LRRC1: variants seen among roughly 807,000 people sequenced by gnomAD.
LRRC1 encodes leucine rich repeat containing 1, also known as leucine-rich repeat-containing protein 1.
LRRC1 carries 28 observed loss-of-function variants against 69.9 expected under a neutral mutation model. The observed-to-expected ratio is 0.40, with a 90% CI of 0.30 to 0.55. The LOEUF (loss-of-function observed/expected upper bound fraction) is 0.55. Ranked by LOEUF, LRRC1 falls within the 20% of genes least tolerant of loss-of-function variation. The pLI is 0.47. For missense variants in LRRC1, 498 were observed against 609.0 expected (o/e 0.82, Z 1.92); for synonymous variants, 236 against 240.2 (o/e 0.98, Z 0.16).
intron 3 of LRRC1, among the ~76,000 whole-genome samples, chr6:53,879,423 C>T (rs2127430194): frequency 6.6e-6 from 1 of 152,226 alleles, no homozygotes; most frequent in African/African-American, 2.4e-5. Context: ...GTAGCTGGGA[C>T]TACAGGCACC....
chr6:53,878,822 C>T (rs933052826), intron 2 of LRRC1, among the ~76,000 whole-genome samples, 171 bp from the exon 3 acceptor site: 4 of 152,116 alleles, frequency 2.6e-5, no homozygotes, highest in Non-Finnish European at 5.9e-5. Flanking sequence ...GAGAATATAA[C>T]TTATATTAGG....
chr6:53,876,669 C>A (rs1407128724), intron 2 of LRRC1, among the ~76,000 whole-genome samples: 1 of 152,232 alleles, frequency 6.6e-6, no homozygotes, highest in African/African-American at 2.4e-5. Flanking sequence ...TGAAATCCAG[C>A]AGGGCGGTCA....
chr6:53,887,793 A>G (rs562932350), intron 4 of LRRC1, among the ~76,000 whole-genome samples: 1 of 152,312 alleles, frequency 6.6e-6, no homozygotes, highest in South Asian at 2.1e-4. Context: ...CCCTTTAGAA[A>G]AAAGTTGGGG....
Position 53,827,720 on chromosome 6 carries a change from C to T in LRRC1, c.160-14390C>T, listed in dbSNP as rs1032380071. Among the ~76,000 whole-genome samples, 5 of 152,162 alleles carry T rather than the reference C, an allele frequency of 3.3e-5. No individual in the cohort carries two copies. In the East Asian group the frequency reaches 9.6e-4, roughly 29 times the overall value. ...TGTGGGGCAGAAGTTAGAAAGGACA[C>T]TGGACTGGAAGCCAGAGAGGTTTGT... On this transcript the variant is annotated intron_variant, in intron 1 of 13. Transcript: ENST00000370888.
intron 1 of LRRC1, 112 bp downstream of exon 1, chr6:53,795,527 C>G: frequency 2.0e-6 from 2 of 1,006,018 alleles, no homozygotes; most frequent in East Asian, 2.7e-5. Flanking sequence ...GGAACCTTCC[C>G]TCTTTTATGC....
At chr6:53,845,592 A>G (rs1382136169) in intron 2 of LRRC1, among the ~76,000 whole-genome samples, 1 of 152,194 alleles carries the variant, frequency 6.6e-6, no homozygotes, top group African/African-American at 2.4e-5. Flanking sequence ...GGTTTGTAGC[A>G]GGGTTATAAC....
intron 4 of LRRC1, among the ~76,000 whole-genome samples, chr6:53,886,587 T>C (rs1241932030): frequency 6.6e-6 from 1 of 152,232 alleles, no homozygotes; most frequent in African/African-American, 2.4e-5. Flanking sequence ...ATTTGTATGA[T>C]TTTCATACAC....
intron 2 of LRRC1, among the ~76,000 whole-genome samples, chr6:53,854,100 G>A (rs1286083154): frequency 2.6e-5 from 4 of 152,190 alleles, no homozygotes; most frequent in Non-Finnish European, 5.9e-5. Context: ...CTGGCAACTG[G>A]TCAACTCTGA....
rs2127399821 is a variant in LRRC1, at chr6:53,795,432, A to C, written c.159+17A>C. Reference sequence around the variant, plus strand: ...CTGCCCGAGGTAAGGGTCCGGCCTCACCTGAGCGCTCTGCCCGCTCGTCTG... The same window carrying C: ...CTGCCCGAGGTAAGGGTCCGGCCTCCCCTGAGCGCTCTGCCCGCTCGTCTG... On this transcript the variant is annotated intron_variant, in intron 1 of 13. Transcript: ENST00000370888. The C allele has an allele frequency of 2.5e-6, 4 of 1,601,646 alleles. No individual in the cohort carries two copies. Among genetic ancestry groups the C allele is most frequent in the Non-Finnish European group, 2.6e-6 (3 of 1,176,410 alleles).
Position 53,795,333 on chromosome 6 carries a change from A to C in LRRC1, c.77A>C (p.Tyr26Ser). Residue 26 changes from tyrosine to serine, a missense_variant, in exon 1 of 14, where the codon TAC (tyrosine) becomes TCC (serine). By Grantham distance (144) the Tyr-to-Ser change is moderately radical. Around this residue, in one of 3 missense-constraint regions of LRRC1, gnomAD observed 70 missense variants for 62.1 expected, o/e 1.13. Coordinates refer to ENST00000370888, the MANE Select transcript of LRRC1 (RefSeq NM_018214.5). ...GACAAGCGCCACTGCTCGCTGGTCT[A>C]CGTCCCCGAGGAGATCTACCGCTAT... ...SIDKRHCSLV[Y>S]VPEEIYRYAR... 1 of 1,613,676 alleles carries C rather than the reference A, an allele frequency of 6.2e-7. No individual in the cohort carries two copies. Among genetic ancestry groups the C allele is most frequent in the Non-Finnish European group, 8.5e-7 (1 of 1,179,926 alleles).
chr6:53,897,221 CT>C, intron 6 of LRRC1, 63 bp from the exon 7 acceptor site: 1 of 1,113,770 alleles, frequency 9.0e-7, no homozygotes, highest in Non-Finnish European at 1.3e-6. Flanking sequence ...CAGTTTCTTT[CT>C]TTCTTCAGGG....
intron 1 of LRRC1, among the ~76,000 whole-genome samples, chr6:53,837,003 A>G (rs538483511): frequency 6.6e-6 from 1 of 152,302 alleles, no homozygotes; most frequent in African/African-American, 2.4e-5. Flanking sequence ...GCCTGGCTTT[A>G]TTCACTGAAC....
intron 3 of LRRC1, among the ~76,000 whole-genome samples, chr6:53,881,618 T>C (rs1767293833): frequency 1.3e-5 from 2 of 152,182 alleles, no homozygotes; most frequent in Admixed American, 1.3e-4. Context: ...GTTTTGAAGT[T>C]TGGAATTAAC....
chr6:53,837,233 C>G (rs971277134), intron 1 of LRRC1, among the ~76,000 whole-genome samples: 1 of 150,872 alleles, frequency 6.6e-6, no homozygotes, highest in Non-Finnish European at 1.5e-5. Context: ...TTTTAAAGAT[C>G]TATACCTAGT....
rs200165246 is a variant in LRRC1, at chr6:53,853,812, C to A, written c.277+11585C>A. Among the ~76,000 whole-genome samples the A allele has an allele frequency of 1.3e-4, 20 of 152,288 alleles. No individual in the cohort carries two copies. In the East Asian group the frequency reaches 3.9e-3, roughly 29 times the overall value. On this transcript the variant is annotated intron_variant, in intron 2 of 13. Coordinates refer to ENST00000370888, the MANE Select transcript of LRRC1 (RefSeq NM_018214.5). ...ATTTGATAACATGAGTGTCCCAGGT[C>A]CCTTGGAAGCAGGTGTAGCTTTCTT...
chr6:53,835,732 C>A (rs1046881767), intron 1 of LRRC1, among the ~76,000 whole-genome samples: 2 of 152,098 alleles, frequency 1.3e-5, no homozygotes, highest in African/African-American at 4.8e-5. Flanking sequence ...ATTTTCTCTT[C>A]TGATTTGCTT....
In LRRC1 at chr6:53,810,786, A is replaced by G. The variant is rs182886129; in HGVS notation, c.159+15371A>G. ...TGTTAATTTTCTGTCACTCAGTGATAGGACTAGCTCTCCCAGCCTCTGTGC... is the reference window on the plus strand; with the variant it reads ...TGTTAATTTTCTGTCACTCAGTGATGGGACTAGCTCTCCCAGCCTCTGTGC... On this transcript the variant is annotated intron_variant, in intron 1 of 13. Coordinates refer to ENST00000370888, the MANE Select transcript of LRRC1 (RefSeq NM_018214.5). 2.6e-5 allele frequency among the ~76,000 whole-genome samples: 4 copies of G among 152,354 alleles called. No individual in the cohort carries two copies. The East Asian group carries it at 7.7e-4, about 29-fold the overall frequency.
At position 53,882,926 on chromosome 6, in the gene LRRC1, T is replaced by C; in HGVS notation, c.396T>C (p.Cys132=). 6.2e-7 allele frequency: 1 copy of C among 1,609,206 alleles called. No individual in the cohort carries two copies. The highest frequency in any genetic ancestry group is 8.5e-7 in the Non-Finnish European group (1 of 1,178,778). Residue 132 remains cysteine (C), a synonymous_variant, in exon 4 of 14, where the codon TGT becomes TGC. Coordinates refer to ENST00000370888, the MANE Select transcript of LRRC1 (RefSeq NM_018214.5). The part of the protein sequence containing the change: ...ESFPELQNLT[C]LSVNDISLQS... ...TTCCTGAATTACAGAATTTAACATG[T>C]CTTTCTGTAAATGACATCTCACTAC...
chr6:53,883,889 T>C, intron 4 of LRRC1: 1 of 716,672 alleles, frequency 1.4e-6, no homozygotes, highest in South Asian at 1.5e-5. Flanking sequence ...AAAAGTTCTC[T>C]TTCCAGAGGT....
Sources: allele counts gnomAD v4.1 joint callset (sites outside exome capture counted in the v4.1 genomes callset), GRCh38; gene constraint gnomAD v4.1.1; regional missense constraint gnomAD v4.1.1; transcripts MANE v1.5; gene names NCBI Gene and HGNC (gene_info 2026-07-23, HGNC 2026-07-21).